DCDC2C: variants seen among roughly 807,000 people sequenced by gnomAD.
The protein encoded by DCDC2C is doublecortin domain containing 2C, also known as doublecortin domain-containing protein 2C.
Under a neutral mutation model 45.0 loss-of-function variants are expected in DCDC2C, and 44 were observed. That is an observed-to-expected ratio of 0.98 (90% CI 0.77 to 1.26). The LOEUF (loss-of-function observed/expected upper bound fraction) is 1.26, where lower values mean the gene tolerates loss of function less well. DCDC2C is among the 50% of genes most tolerant of loss of function. The pLI is 0.00. For missense variants in DCDC2C, 447 were observed against 468.9 expected, an observed-to-expected ratio of 0.95 and a Z score of 0.43; for synonymous variants, 187 against 178.8, an observed-to-expected ratio of 1.05 and a Z score of -0.37.
chr2:3,826,381 G>A (rs1314651407), intron 10 of DCDC2C, among the ~76,000 whole-genome samples: 1 of 152,010 alleles, frequency 6.6e-6, no homozygotes, highest in Non-Finnish European at 1.5e-5. Flanking sequence ...TGACTTTCTG[G>A]TGTAACATAT....
chr2:3,801,307 A>C (rs533058262), intron 10 of DCDC2C, among the ~76,000 whole-genome samples: 5 of 143,800 alleles, frequency 3.5e-5, no homozygotes, highest in African/African-American at 7.8e-5. Flanking sequence ...TATGTACGTA[A>C]CCTGTCCCAG....
chr2:3,763,132 T>A (rs947465060), intron 6 of DCDC2C, among the ~76,000 whole-genome samples: 2 of 152,190 alleles, frequency 1.3e-5, no homozygotes, highest in Admixed American at 6.5e-5. Context: ...GCTGCCAGTG[T>A]GTCCGGAGTC....
At chr2:3,735,903 C>A (rs1298919750) in intron 3 of DCDC2C, among the ~76,000 whole-genome samples, 1 of 151,722 alleles carries the variant, frequency 6.6e-6, no homozygotes, top group Admixed American at 6.6e-5. Context: ...GCGAGTGTTG[C>A]ATGGATTGGA....
At chr2:3,742,073 CAG>C (rs1558573303) in intron 4 of DCDC2C, 25 bp downstream of exon 4, 1 of 1,510,016 alleles carries the variant, frequency 6.6e-7, no homozygotes, top group Middle Eastern at 1.7e-4. Flanking sequence ...GCCTTTAGGA[CAG>C]CCAGGGGGCG....
chr2:3,741,987 G>T lies in DCDC2C; in HGVS notation c.484G>T (p.Asp162Tyr). ...CATTATACCCAAATTTAGTCTGTCC[G>T]ATTGGGACATCGTGCTGGCCACGAT... ...KIIIPKFSLSDWDIVLATIGE... is the reference protein window; with the variant it reads ...KIIIPKFSLSYWDIVLATIGE... Residue 162 changes from aspartate to tyrosine, a missense_variant, in exon 4 of 11, where the codon GAT (aspartate) becomes TAT (tyrosine). Transcript: ENST00000399143. 6.5e-7 allele frequency: 1 copy of T among 1,548,520 alleles called. No individual in the cohort carries two copies. Among genetic ancestry groups the T allele is most frequent in the Non-Finnish European group, 8.7e-7 (1 of 1,146,216 alleles).
chr2:3,752,723 C>A, intron 4 of DCDC2C, 40 bp from the exon 5 acceptor site: 2 of 1,548,798 alleles, frequency 1.3e-6, no homozygotes, highest in South Asian at 2.4e-5. Context: ...TGCTACTGGT[C>A]CTCAAGTCTC....
chr2:3,796,839 T>C (rs1207605915), intron 10 of DCDC2C, among the ~76,000 whole-genome samples: 1 of 151,876 alleles, frequency 6.6e-6, no homozygotes, highest in African/African-American at 2.4e-5. Context: ...TCTTTTTTGG[T>C]TGTGTCTCTG....
intron 10 of DCDC2C, among the ~76,000 whole-genome samples, chr2:3,835,984 T>C (rs1380661866): frequency 6.6e-6 from 1 of 152,120 alleles, no homozygotes; most frequent in African/African-American, 2.4e-5. Context: ...CCTCACATGA[T>C]CCTTTTACCT....
intron 6 of DCDC2C, among the ~76,000 whole-genome samples, chr2:3,765,702 A>C (rs536142781): frequency 6.6e-6 from 1 of 152,326 alleles, no homozygotes; most frequent in African/African-American, 2.4e-5. Flanking sequence ...GAATTCATTA[A>C]TGGAGAAACA....
At chr2:3,786,257 C>G (rs1319851417) in intron 10 of DCDC2C, among the ~76,000 whole-genome samples, 1 of 150,712 alleles carries the variant, frequency 6.6e-6, no homozygotes, top group Non-Finnish European at 1.5e-5. Context: ...TGCACGGAAC[C>G]TCTGATGTGG....
At position 3,727,091 on chromosome 2, in the gene DCDC2C, A is replaced by G. The variant is rs1668710650; in HGVS notation, c.416+12A>G. ...TCTCGACATATAAAGTGAGTATAATATTATGGGTGAAAAAATCAAACTGTG... is the reference window on the plus strand; with the variant it reads ...TCTCGACATATAAAGTGAGTATAATGTTATGGGTGAAAAAATCAAACTGTG... On this transcript the variant is annotated intron_variant, in intron 3 of 10. Coordinates refer to ENST00000399143, the MANE Select transcript of DCDC2C (RefSeq NM_001287444.2). 4 of 1,543,098 alleles carry G rather than the reference A, an allele frequency of 2.6e-6. No individual in the cohort carries two copies.
chr2:3,829,507 A>T (rs928109591), intron 10 of DCDC2C, among the ~76,000 whole-genome samples: 22 of 151,960 alleles, frequency 1.4e-4, no homozygotes, highest in Non-Finnish European at 4.4e-5. Context: ...TGCCTTTTTG[A>T]TCACATGTTC....
At chr2:3,791,075 C>T (rs1372963016) in intron 10 of DCDC2C, among the ~76,000 whole-genome samples, 3 of 152,060 alleles carry the variant, frequency 2.0e-5, no homozygotes, top group Non-Finnish European at 4.4e-5. Context: ...CGCCACTGCA[C>T]TCCAGCCTGG....
chr2:3,757,079 A>G (rs1463947849), intron 6 of DCDC2C, among the ~76,000 whole-genome samples: 4 of 152,082 alleles, frequency 2.6e-5, no homozygotes, highest in Admixed American at 6.6e-5. Flanking sequence ...TTTTGGCCTC[A>G]TTTTGAAGAG....
chr2:3,752,955 C>T (rs1243381101), intron 5 of DCDC2C, 55 bp downstream of exon 5: 17 of 1,525,008 alleles, frequency 1.1e-5, no homozygotes, highest in Non-Finnish European at 1.5e-5. Flanking sequence ...TTAGCCTTTT[C>T]CCCAGTATCT....
intron 3 of DCDC2C, among the ~76,000 whole-genome samples, chr2:3,730,125 G>A (rs1668821109): frequency 6.6e-6 from 1 of 152,194 alleles, no homozygotes. Context: ...GTATGCATCA[G>A]GAGATGAAAG....
intron 10 of DCDC2C, among the ~76,000 whole-genome samples, chr2:3,838,457 AGAGAG>A (rs1558249959): frequency 1.4e-4 from 20 of 139,462 alleles, no homozygotes; most frequent in South Asian, 6.5e-4. Flanking sequence ...CATGACAGAG[AGAGAG>A]AGAGAGAGAG....
intron 10 of DCDC2C, among the ~76,000 whole-genome samples, chr2:3,799,578 C>A: frequency 6.6e-6 from 1 of 152,236 alleles, no homozygotes; most frequent in Non-Finnish European, 1.5e-5. Flanking sequence ...GTTAGTTTTC[C>A]TTCTAACAGA....
chr2:3,704,311 C>T (rs1667975739), intron 1 of DCDC2C, among the ~76,000 whole-genome samples: 1 of 150,082 alleles, frequency 6.7e-6, no homozygotes, highest in South Asian at 2.1e-4. Flanking sequence ...GCCCCAGAGA[C>T]GGCCAGGAGG....
Sources: gnomAD v4.1 joint callset for allele counts (sites outside exome capture counted in the v4.1 genomes callset) on GRCh38, gnomAD v4.1.1 for gene constraint, MANE v1.5 for transcripts, NCBI Gene and HGNC (gene_info 2026-07-23, HGNC 2026-07-21) for gene names.